The following GNG4 variants were observed in gnomAD, a reference collection of about 807,000 sequenced individuals.
The protein encoded by GNG4 is guanine nucleotide-binding protein G(I)/G(S)/G(O) subunit gamma-4.
Under a neutral mutation model 5.8 loss-of-function variants are expected in GNG4, and 4 were observed. The observed-to-expected ratio is 0.69, with a 90% CI of 0.34 to 1.57. GNG4 has a LOEUF of 1.57. Ranked by LOEUF, GNG4 falls within the 40% of genes most tolerant of loss-of-function variation. The pLI is 0.06. For synonymous variants in GNG4, 29 were observed against 32.9 expected (o/e 0.88, Z 0.41); for missense variants, 96 against 95.1 (o/e 1.01, Z -0.04).
chr1:235,554,714 G>A (rs745515919), intron 3 of GNG4, among the ~76,000 whole-genome samples: 1 of 151,882 alleles, frequency 6.6e-6, no homozygotes, highest in Non-Finnish European at 1.5e-5. Context: ...GCGTGGTGGC[G>A]GGTGCCTGTA....
rs191825623 is a variant in GNG4 at position 235,627,725 on chromosome 1, G to T, written c.-123+21937C>A. Among the ~76,000 whole-genome samples, 10 of 152,302 alleles carry T rather than the reference G, an allele frequency of 6.6e-5. No homozygotes were observed. The East Asian group carries it at 1.9e-3, about 29-fold the overall frequency. ...CCAGGACACTGTTGGAAACTGGAAG[G>T]CTTCCGGGTATGTTAACTTCATCAG... On this transcript the variant is annotated intron_variant, in intron 1 of 3. Coordinates refer to ENST00000391854, the MANE Select transcript of GNG4 (RefSeq NM_001098722.2).
At chr1:235,635,934 C>G (rs1276667191) in intron 1 of GNG4, among the ~76,000 whole-genome samples, 1 of 152,216 alleles carries the variant, frequency 6.6e-6, no homozygotes, top group Non-Finnish European at 1.5e-5. Flanking sequence ...TCTGAAGGCC[C>G]ACCTTCCACC....
intron 2 of GNG4, among the ~76,000 whole-genome samples, chr1:235,586,217 A>C (rs1344404151): frequency 1.3e-5 from 2 of 152,226 alleles, no homozygotes; most frequent in East Asian, 3.8e-4. Flanking sequence ...AATCACGACA[A>C]GTTGGGAGCT....
intron 3 of GNG4, among the ~76,000 whole-genome samples, chr1:235,580,806 A>AGT (rs1687615458): frequency 7.6e-6 from 1 of 131,648 alleles, no homozygotes; most frequent in Non-Finnish European, 1.5e-5. Flanking sequence ...GCTGAAGTGC[A>AGT]GTGGCACAAT....
rs1413834820 is a variant in GNG4, at chr1:235,561,401, TC to T, written c.100-9165del. Reference sequence around the variant, plus strand: ...TGCTCTCTTGCACGCGCTCGCGCTCTCTCTCTCTATATATATACATTTTTTT... The same window carrying T: ...TGCTCTCTTGCACGCGCTCGCGCTCTTCTCTCTATATATATACATTTTTTT... On this transcript the variant is annotated intron_variant, in intron 3 of 3. Transcript: ENST00000391854. Among the ~76,000 whole-genome samples the T allele has an allele frequency of 3.6e-3, 527 of 146,972 alleles. 5 individuals carry two copies. Among genetic ancestry groups the T allele is most frequent in the African/African-American group, 0.014 (508 of 36,620 alleles).
At chr1:235,559,309 G>A (rs1310156346) in intron 3 of GNG4, among the ~76,000 whole-genome samples, 1 of 152,124 alleles carries the variant, frequency 6.6e-6, no homozygotes, top group Non-Finnish European at 1.5e-5. Context: ...GTGAAATTTG[G>A]TGCACACTCC....
chr1:235,608,289 A>G (rs12059431), intron 1 of GNG4, among the ~76,000 whole-genome samples: 67,516 of 151,932 alleles, frequency 0.44, 18,578 homozygotes, highest in African/African-American at 0.76. Flanking sequence ...ATGTTTTATC[A>G]CTTACCATTT....
At chr1:235,630,312 C>T (rs759503874) in intron 1 of GNG4, among the ~76,000 whole-genome samples, 1 of 152,188 alleles carries the variant, frequency 6.6e-6, no homozygotes, top group Non-Finnish European at 1.5e-5. Flanking sequence ...CCCACATTGT[C>T]AGCACCTTAA....
chr1:235,641,431 C>T (rs1452513014), intron 1 of GNG4, among the ~76,000 whole-genome samples: 1 of 152,082 alleles, frequency 6.6e-6, no homozygotes, highest in Non-Finnish European at 1.5e-5. Flanking sequence ...TGGCTCACGC[C>T]CGTAATCCCA....
chr1:235,641,559 C>T (rs1031429991), intron 1 of GNG4, among the ~76,000 whole-genome samples: 4 of 152,116 alleles, frequency 2.6e-5, no homozygotes, highest in East Asian at 1.9e-4. Context: ...GGCGTGGTGG[C>T]GGGCGCCTGT....
chr1:235,585,073 C>T (rs976319489), intron 2 of GNG4, among the ~76,000 whole-genome samples: 1 of 152,140 alleles, frequency 6.6e-6, no homozygotes, highest in African/African-American at 2.4e-5. Context: ...CACTGGACTC[C>T]AGTCTATTCT....
intron 3 of GNG4, among the ~76,000 whole-genome samples, chr1:235,559,128 G>A (rs990585829): frequency 6.6e-6 from 1 of 152,134 alleles, no homozygotes; most frequent in Admixed American, 6.5e-5. Flanking sequence ...TCTAAGCAAC[G>A]CTGGTCTATT....
At chr1:235,565,469 A>G (rs965328030) in intron 3 of GNG4, among the ~76,000 whole-genome samples, 1 of 152,172 alleles carries the variant, frequency 6.6e-6, no homozygotes, top group South Asian at 2.1e-4. Flanking sequence ...GTGCCACTGC[A>G]CTCTAGCCTG....
intron 3 of GNG4, among the ~76,000 whole-genome samples, chr1:235,556,116 C>T (rs1686899469): frequency 6.6e-6 from 1 of 151,946 alleles, no homozygotes; most frequent in Non-Finnish European, 1.5e-5. Flanking sequence ...ATCTGCCCGC[C>T]TCGGCCTCTC....
At chr1:235,587,152 GGTGGGGGTGAGCGTGTGAGAGTGT>G (rs1255359975) in intron 2 of GNG4, among the ~76,000 whole-genome samples, 1 of 151,266 alleles carries the variant, frequency 6.6e-6, no homozygotes, top group Non-Finnish European at 1.5e-5. Flanking sequence ...GAAAGTGTGG[GGTGGGGGTGAGCGTGTGAGAGTGT>G]GTGGGGGTGA....
At chr1:235,556,656 G>A (rs1025143596) in intron 3 of GNG4, among the ~76,000 whole-genome samples, 1 of 151,804 alleles carries the variant, frequency 6.6e-6, no homozygotes, top group African/African-American at 2.4e-5. Flanking sequence ...GAGTGGTTTC[G>A]TGGAAGACAG....
intron 1 of GNG4, among the ~76,000 whole-genome samples, chr1:235,614,002 C>T (rs760215185): frequency 1.6e-4 from 24 of 152,112 alleles, no homozygotes; most frequent in Non-Finnish European, 2.5e-4. Context: ...ATTGTAGAGA[C>T]GGGCTTCATC....
Position 235,611,479 on chromosome 1 carries a change from C to T in GNG4, c.-122-15968G>A, listed in dbSNP as rs145385690. Among the ~76,000 whole-genome samples the T allele has an allele frequency of 9.2e-5, 14 of 152,142 alleles. No individual in the cohort carries two copies. The East Asian group carries it at 1.2e-3, about 13-fold the overall frequency. On this transcript the variant is annotated intron_variant, in intron 1 of 3. Coordinates refer to ENST00000391854, the MANE Select transcript of GNG4 (RefSeq NM_001098722.2). ...GTGGGCCATTGCGTCCTCCCTGGAC[C>T]GAGATTCTTGAATATGTAGTGCCCA...
intron 3 of GNG4, among the ~76,000 whole-genome samples, chr1:235,578,888 A>G (rs936299628): frequency 6.6e-6 from 1 of 152,174 alleles, no homozygotes; most frequent in Non-Finnish European, 1.5e-5. Context: ...ACCTGAGACC[A>G]GGAGTTTGAG....
Sources: gnomAD v4.1 joint callset for allele counts (sites outside exome capture counted in the v4.1 genomes callset) on GRCh38, gnomAD v4.1.1 for gene constraint, MANE v1.5 for transcripts, NCBI Gene and HGNC (gene_info 2026-07-23, HGNC 2026-07-21) for gene names.